Variants in SEPTIN9 observed in about 807,000 individuals in gnomAD.
SEPTIN9 encodes septin 9, also known as septin-9.
A neutral mutation model predicts 56.6 loss-of-function variants in SEPTIN9; 13 were observed. The ratio of observed to expected loss-of-function variants is 0.23; its 90% CI spans 0.15 to 0.37. The LOEUF (loss-of-function observed/expected upper bound fraction) is 0.37, where lower values mean the gene tolerates loss of function less well. SEPTIN9 is among the 10% of genes least tolerant of loss of function. SEPTIN9 has a pLI of 1.00. For missense variants in SEPTIN9, 650 were observed against 823.1 expected (o/e 0.79, Z 2.57); for synonymous variants, 332 against 334.1 (o/e 0.99, Z 0.07).
At chr17:77,301,711 C>G (rs113084951) in intron 1 of SEPTIN9, among the ~76,000 whole-genome samples, 97 of 152,246 alleles carry the variant, frequency 6.4e-4, no homozygotes, top group African/African-American at 2.2e-3. Context: ...CCGTGCCCGG[C>G]CAGGAATAGA....
rs1017100760 is a variant in SEPTIN9 at position 77,449,997 on chromosome 17, C to T, written c.722-32147C>T. Among the ~76,000 whole-genome samples, 2 of 152,180 alleles carry T rather than the reference C, an allele frequency of 1.3e-5. No individual in the cohort carries two copies. The highest frequency in any genetic ancestry group is 2.9e-5 in the Non-Finnish European group (2 of 68,044). ...GGTCTCTGATCTGCCACCAGCCTCC[C>T]TCCCATTCAGATGGGAACAGGGACT... On this transcript the variant is annotated intron_variant, in intron 3 of 11. Coordinates refer to ENST00000427177, the MANE Select transcript of SEPTIN9 (RefSeq NM_001113491.2). This position sits in a 1 kb window ranked among gnomAD's most constrained non-coding sequence, Gnocchi z 4.6.
rs2032463784 is a variant in SEPTIN9 at position 77,310,834 on chromosome 17, T to C, written c.76+3637T>C. On this transcript the variant is annotated intron_variant, in intron 2 of 11. Coordinates refer to ENST00000427177, the MANE Select transcript of SEPTIN9 (RefSeq NM_001113491.2). The surrounding 1 kb of genome is among the most constrained non-coding windows in gnomAD (Gnocchi z 4.7). ...GGCCCTCAGACCCCGGCTGGGATCC[T>C]TGGAGCCAACTCCTCTGCCTGACAT... Among the ~76,000 whole-genome samples, 1 of 152,198 alleles carries C rather than the reference T, an allele frequency of 6.6e-6. No individual in the cohort carries two copies. Among genetic ancestry groups the C allele is most frequent in the African/African-American group, 2.4e-5 (1 of 41,464 alleles).
chr17:77,389,523 A>G lies in SEPTIN9; in HGVS notation c.77-12536A>G, dbSNP rs1254578789. Reference sequence around the variant, plus strand: ...CTGCAGCCTGTGGTTTTTCGAAGTCAATCACCTCCCAGGGCCTCGCTCCTG... The same window carrying G: ...CTGCAGCCTGTGGTTTTTCGAAGTCGATCACCTCCCAGGGCCTCGCTCCTG... On this transcript the variant is annotated intron_variant, in intron 2 of 11. Transcript: ENST00000427177. This position sits in a 1 kb window ranked among gnomAD's most constrained non-coding sequence, Gnocchi z 4.3. Among the ~76,000 whole-genome samples, 1 of 152,116 alleles carries G rather than the reference A, an allele frequency of 6.6e-6. No individual in the cohort carries two copies. The highest frequency in any genetic ancestry group is 1.5e-5 in the Non-Finnish European group (1 of 68,014).
At position 77,425,609 on chromosome 17, in the gene SEPTIN9, A is replaced by G. The variant is rs1216164676; in HGVS notation, c.721+22906A>G. ...CCAAGTGGGGTTGCATTCACCACTC[A>G]GGACCTGGAGCCTCAGCCAGAGAGG... is the stretch of plus-strand genomic sequence containing the variant. On this transcript the variant is annotated intron_variant, in intron 3 of 11. Coordinates refer to ENST00000427177, the MANE Select transcript of SEPTIN9 (RefSeq NM_001113491.2). The surrounding 1 kb of genome is among the most constrained non-coding windows in gnomAD (Gnocchi z 4.2). Among the ~76,000 whole-genome samples the G allele has an allele frequency of 6.6e-6, 1 of 152,164 alleles. No individual in the cohort carries two copies.
chr17:77,480,685 T>G (rs1156828173), intron 3 of SEPTIN9, among the ~76,000 whole-genome samples: 1 of 152,190 alleles, frequency 6.6e-6, no homozygotes, highest in Non-Finnish European at 1.5e-5. Flanking sequence ...CCCCTGTGGC[T>G]GCCCCTGCTG....
intron 2 of SEPTIN9, among the ~76,000 whole-genome samples, chr17:77,339,911 C>T (rs949677426): frequency 1.1e-4 from 17 of 150,278 alleles, no homozygotes; most frequent in African/African-American, 2.5e-4. Flanking sequence ...CCGCAGCCTC[C>T]GCCTCCCAGG....
At chr17:77,404,225 C>T (rs2035991968) in intron 3 of SEPTIN9, among the ~76,000 whole-genome samples, 1 of 152,072 alleles carries the variant, frequency 6.6e-6, no homozygotes, top group African/African-American at 2.4e-5. Flanking sequence ...TCTCTAAGTC[C>T]CTCTTTCCAT....
intron 10 of SEPTIN9, among the ~76,000 whole-genome samples, chr17:77,494,297 C>T (rs188410774): frequency 4.6e-5 from 7 of 152,354 alleles, no homozygotes; most frequent in Admixed American, 6.5e-5. Flanking sequence ...GGTGACACCC[C>T]GGGAGGGATG....
At chr17:77,410,115 C>A (rs1171163564) in intron 3 of SEPTIN9, among the ~76,000 whole-genome samples, 3 of 152,126 alleles carry the variant, frequency 2.0e-5, no homozygotes, top group Non-Finnish European at 2.9e-5. Context: ...CTAGAGTAGC[C>A]CATGGCCAGG....
chr17:77,482,206 A>G lies in SEPTIN9; in HGVS notation c.784A>G (p.Lys262Glu). ...MADTPRDAGL[K>E]QAPASRNEKA... Reference sequence around the variant, plus strand: ...CGACACCCCCAGAGATGCCGGGCTCAAGCAGGCGCCTGCATCACGGAACGA... The same window carrying G: ...CGACACCCCCAGAGATGCCGGGCTCGAGCAGGCGCCTGCATCACGGAACGA... Residue 262 changes from lysine (K) to glutamate (E), a missense_variant, in exon 4 of 12, where the codon AAG becomes GAG. Lys to Glu is a moderately conservative substitution (Grantham distance 56). Coordinates refer to ENST00000427177, the MANE Select transcript of SEPTIN9 (RefSeq NM_001113491.2). 6.2e-7 allele frequency: 1 copy of G among 1,611,896 alleles called. No homozygotes were observed. Among genetic ancestry groups the G allele is most frequent in the Non-Finnish European group, 8.5e-7 (1 of 1,179,416 alleles).
In SEPTIN9 at chr17:77,425,379, A is replaced by G. The variant is rs1568059119; in HGVS notation, c.721+22676A>G. Among the ~76,000 whole-genome samples the G allele has an allele frequency of 6.6e-6, 1 of 152,114 alleles. No homozygotes were observed. The highest frequency in any genetic ancestry group is 6.5e-5 in the Admixed American group (1 of 15,282). ...GCTGAGAGCCCTTGACCCGCACCTG[A>G]GGGCTTCAGAGGTCCGGGAGGGGGA... On this transcript the variant is annotated intron_variant, in intron 3 of 11. Transcript: ENST00000427177. The surrounding 1 kb of genome is among the most constrained non-coding windows in gnomAD (Gnocchi z 4.2).
Position 77,342,999 on chromosome 17 carries a change from G to GTCTATCTATCTA in SEPTIN9, c.76+35805_76+35806insATCTATCTATCT, listed in dbSNP as rs1333729896. On this transcript the variant is annotated intron_variant, in intron 2 of 11. Coordinates refer to ENST00000427177, the MANE Select transcript of SEPTIN9 (RefSeq NM_001113491.2). ...CAAAAATCAATGTATCTGTCTGTCTGTCTGTCTATCTATCTATCTATCTAT... is the reference window on the plus strand; with the variant it reads ...CAAAAATCAATGTATCTGTCTGTCTGTCTATCTATCTATCTGTCTATCTATCTATCTATCTAT... Among the ~76,000 whole-genome samples the GTCTATCTATCTA allele has an allele frequency of 2.2e-4, 18 of 80,898 alleles. No individual in the cohort carries two copies. In the South Asian group the frequency reaches 2.6e-3, roughly 12 times the overall value. The allele number at this position is 80,898 out of a possible 152,430, so 53.1% of individuals were successfully genotyped here.
At chr17:77,357,228 G>A (rs312873) in intron 2 of SEPTIN9, among the ~76,000 whole-genome samples, 2 of 152,146 alleles carry the variant, frequency 1.3e-5, no homozygotes, top group African/African-American at 4.8e-5. Flanking sequence ...CTCATTAAAT[G>A]TCCTTAAATC....
chr17:77,428,514 G>C (rs555299200), intron 3 of SEPTIN9, among the ~76,000 whole-genome samples: 1 of 152,230 alleles, frequency 6.6e-6, no homozygotes, highest in Non-Finnish European at 1.5e-5. Flanking sequence ...TACCACATTC[G>C]AAATTGAAGC....
chr17:77,463,990 G>C (rs2627225), intron 3 of SEPTIN9, among the ~76,000 whole-genome samples: 14,363 of 152,208 alleles, frequency 0.094, 1,751 homozygotes, highest in African/African-American at 0.28. Context: ...TGATGAATCT[G>C]ATTTTTCCAG....
intron 3 of SEPTIN9, among the ~76,000 whole-genome samples, chr17:77,443,277 T>A (rs936356564): frequency 3.3e-5 from 5 of 151,786 alleles, no homozygotes; most frequent in South Asian, 2.1e-4. Flanking sequence ...CAAGGGGAAA[T>A]GAGGTTGGAG....
intron 4 of SEPTIN9, among the ~76,000 whole-genome samples, chr17:77,484,991 A>ATTG (rs2039670955): frequency 7.4e-4 from 1 of 1,356 alleles, no homozygotes; most frequent in Non-Finnish European, 1.1e-3. Flanking sequence ...GGTGATTGTG[A>ATTG]TGGTGGTGAA....
intron 2 of SEPTIN9, among the ~76,000 whole-genome samples, chr17:77,361,278 G>T (rs925045734): frequency 8.5e-5 from 13 of 152,170 alleles, no homozygotes; most frequent in Non-Finnish European, 1.6e-4. Context: ...ACTGATGTCT[G>T]TGTCAATAGG....
intron 1 of SEPTIN9, among the ~76,000 whole-genome samples, chr17:77,304,471 A>C (rs1208753340): frequency 6.6e-6 from 1 of 152,144 alleles, no homozygotes; most frequent in Non-Finnish European, 1.5e-5. Flanking sequence ...TACGGATAAG[A>C]GGCCCTGGGG....
Sources: gnomAD v4.1 joint callset for allele counts (sites outside exome capture counted in the v4.1 genomes callset) on GRCh38, gnomAD v4.1.1 for gene constraint, Gnocchi (gnomAD v3.1) non-coding constraint, MANE v1.5 for transcripts, NCBI Gene and HGNC (gene_info 2026-07-23, HGNC 2026-07-21) for gene names.